Variants in PALM2AKAP2 observed in about 807,000 individuals in gnomAD.
The protein encoded by PALM2AKAP2 is PALM2 and AKAP2 fusion.
PALM2AKAP2 carries 37 observed loss-of-function variants against 71.5 expected under a neutral mutation model. The observed-to-expected ratio is 0.52, with a 90% CI of 0.40 to 0.68. PALM2AKAP2 has a LOEUF of 0.68. Among genes scored for constraint, PALM2AKAP2 ranks in the 30% least tolerant of loss-of-function variants. PALM2AKAP2 has a pLI of 0.00. For missense variants in PALM2AKAP2, 1,224 were observed against 1,191.8 expected, an observed-to-expected ratio of 1.03 and a Z score of -0.40; for synonymous variants, 468 against 478.8, an observed-to-expected ratio of 0.98 and a Z score of 0.29.
chr9:109,658,112 G>T (rs543106418), intron 1 of PALM2AKAP2, among the ~76,000 whole-genome samples: 1 of 152,098 alleles, frequency 6.6e-6, no homozygotes, highest in Admixed American at 6.5e-5. Context: ...GTAAGATTTG[G>T]TTTGGGAGCG....
intron 1 of PALM2AKAP2, among the ~76,000 whole-genome samples, chr9:109,687,379 C>T (rs147890570): frequency 6.6e-6 from 1 of 152,178 alleles, no homozygotes; most frequent in East Asian, 1.9e-4. Context: ...AGTGAAGCCA[C>T]CTTCATTCCT....
At chr9:109,919,463 C>A (rs1329121462) in intron 3 of PALM2AKAP2, among the ~76,000 whole-genome samples, 1 of 152,192 alleles carries the variant, frequency 6.6e-6, no homozygotes, top group East Asian at 1.9e-4. Flanking sequence ...TACTCAGAGA[C>A]AACTATCACT....
chr9:110,047,267 C>G (rs760376425), upstream of PALM2AKAP2, among the ~76,000 whole-genome samples: 18 of 152,278 alleles, frequency 1.2e-4, no homozygotes, highest in African/African-American at 3.6e-4. Context: ...ATTCAGGAAC[C>G]CTGAGAACAG....
Position 110,038,744 on chromosome 9 carries a change from G to A in PALM2AKAP2, c.582+22705G>A, listed in dbSNP as rs908388358. Among the ~76,000 whole-genome samples the A allele has an allele frequency of 2.6e-5, 4 of 151,574 alleles. No individual in the cohort carries two copies. The East Asian group carries it at 7.8e-4, about 29-fold the overall frequency. ...ACCTGAGGTCAGGAGTTCGAGACTG[G>A]CCTGTCCAACATGGTGAAACCCCGT... On this transcript the variant is annotated intron_variant, in intron 7 of 9. Coordinates refer to the PALM2AKAP2 transcript ENST00000302798.
intron 7 of PALM2AKAP2, among the ~76,000 whole-genome samples, chr9:110,035,585 T>C (rs1432347111): frequency 7.0e-6 from 1 of 143,596 alleles, no homozygotes; most frequent in Non-Finnish European, 1.5e-5. Flanking sequence ...GTGTTATATA[T>C]AACATATATA....
At position 109,699,992 on chromosome 9, in the gene PALM2AKAP2, T is replaced by C. The variant is rs529428009; in HGVS notation, c.5+59126T>C. The stretch of plus-strand genomic sequence containing the variant: ...AGTTTCACCATGTTGGCCAGGATGA[T>C]CTTGATCTCCTGACCTCGTAATCTG... On this transcript the variant is annotated intron_variant, in intron 1 of 6. Coordinates refer to the PALM2AKAP2 transcript ENST00000374531. 4.9e-4 allele frequency among the ~76,000 whole-genome samples: 75 copies of C among 152,290 alleles called. 2 individuals are homozygous for C. The South Asian group carries it at 0.015, about 31-fold the overall frequency.
chr9:109,924,975 G>A (rs1830918834), intron 4 of PALM2AKAP2, 86 bp from the exon 5 acceptor site: 2 of 1,596,614 alleles, frequency 1.3e-6, no homozygotes, highest in Non-Finnish European at 1.7e-6. Flanking sequence ...ATGGGAGAAA[G>A]ATGGGTTAAG....
At chr9:110,046,554 T>C (rs1833600604), upstream of PALM2AKAP2, among the ~76,000 whole-genome samples, 1 of 150,702 alleles carries the variant, frequency 6.6e-6, no homozygotes, top group African/African-American at 2.4e-5. Context: ...CTGCAACCTC[T>C]GCCTCCCACG....
upstream of PALM2AKAP2, among the ~76,000 whole-genome samples, chr9:110,044,395 A>G (rs1429153682): frequency 8.5e-6 from 1 of 117,744 alleles, no homozygotes. Context: ...TCTGTCGCCC[A>G]GGCTGAAGTG....
At chr9:109,992,952 T>TAG (rs572808154) in intron 6 of PALM2AKAP2, among the ~76,000 whole-genome samples, 6,573 of 144,308 alleles carry the variant, frequency 0.046, 140 homozygotes, top group Middle Eastern at 0.067. Context: ...TATATATATA[T>TAG]ATAGAGAGAG....
intron 1 of PALM2AKAP2, among the ~76,000 whole-genome samples, chr9:110,118,407 C>T (rs1035758451): frequency 3.9e-5 from 6 of 151,952 alleles, no homozygotes; most frequent in African/African-American, 1.5e-4. Flanking sequence ...CCACCACGCC[C>T]GGCTAATTTT....
intron 1 of PALM2AKAP2, among the ~76,000 whole-genome samples, chr9:110,082,871 GTGACTCAC>G (rs1487174085): frequency 6.6e-6 from 1 of 152,188 alleles, no homozygotes; most frequent in Non-Finnish European, 1.5e-5. Flanking sequence ...GCTGGGCGTG[GTGACTCAC>G]GCCTGTAATC....
intron 1 of PALM2AKAP2, among the ~76,000 whole-genome samples, chr9:109,831,669 C>A (rs1020116776): frequency 1.3e-5 from 2 of 152,154 alleles, no homozygotes; most frequent in Non-Finnish European, 2.9e-5. Flanking sequence ...GTCACCCAAG[C>A]CTCTTAGTTC....
At chr9:109,943,330 C>T in intron 6 of PALM2AKAP2, 1 of 1,614,212 alleles carries the variant, frequency 6.2e-7, no homozygotes, top group Middle Eastern at 1.6e-4. Context: ...CACCACAGAG[C>T]CCTCATCCCC....
intron 3 of PALM2AKAP2, among the ~76,000 whole-genome samples, chr9:109,895,925 T>A (rs956742714): frequency 6.6e-6 from 1 of 152,194 alleles, no homozygotes; most frequent in Non-Finnish European, 1.5e-5. Flanking sequence ...GATTCATGCC[T>A]GTAATCCCAG....
At chr9:110,000,529 A>C (rs987930251) in intron 6 of PALM2AKAP2, among the ~76,000 whole-genome samples, 1 of 152,188 alleles carries the variant, frequency 6.6e-6, no homozygotes, top group African/African-American at 2.4e-5. Context: ...TACATACCCA[A>C]TAATGGGATG....
intron 1 of PALM2AKAP2, among the ~76,000 whole-genome samples, chr9:109,851,728 G>T (rs1333336057): frequency 6.6e-6 from 1 of 152,190 alleles, no homozygotes; most frequent in Non-Finnish European, 1.5e-5. Flanking sequence ...ACCAGTAAAT[G>T]AAGTTCCCCT....
At chr9:109,820,450 T>C (rs1564163725) in intron 1 of PALM2AKAP2, among the ~76,000 whole-genome samples, 1 of 152,196 alleles carries the variant, frequency 6.6e-6, no homozygotes, top group African/African-American at 2.4e-5. Context: ...TAGGGTTCAG[T>C]CTCAGCCCCA....
chr9:110,028,374 T>A (rs1588066450), intron 7 of PALM2AKAP2, among the ~76,000 whole-genome samples: 2 of 152,244 alleles, frequency 1.3e-5, no homozygotes, highest in African/African-American at 4.8e-5. Flanking sequence ...GCCGTTTTAT[T>A]TCTTCGCTGT....
Sources: allele counts gnomAD v4.1 joint callset (sites outside exome capture counted in the v4.1 genomes callset), GRCh38; gene constraint gnomAD v4.1.1; transcripts MANE v1.5; gene names NCBI Gene and HGNC (gene_info 2026-07-23, HGNC 2026-07-21).